CACNA1D: variants seen among roughly 807,000 people sequenced by gnomAD.
The protein encoded by CACNA1D is voltage-dependent L-type calcium channel subunit alpha-1D.
A neutral mutation model predicts 257.1 loss-of-function variants in CACNA1D; 55 were observed. The ratio of observed to expected loss-of-function variants is 0.21; its 90% CI spans 0.17 to 0.27. The LOEUF is 0.27. Among genes scored for constraint, CACNA1D ranks in the 10% least tolerant of loss-of-function variants. The pLI, the probability that CACNA1D is intolerant of heterozygous loss-of-function variation, is 1.00. For synonymous variants in CACNA1D, 980 were observed against 1,014.9 expected, an observed-to-expected ratio of 0.97 and a Z score of 0.65; for missense variants, 1,876 against 2,784.0, an observed-to-expected ratio of 0.67 and a Z score of 7.34.
At chr3:53,741,010 C>A (rs541322033) in intron 21 of CACNA1D, among the ~76,000 whole-genome samples, 1 of 152,318 alleles carries the variant, frequency 6.6e-6, no homozygotes, top group South Asian at 2.1e-4. Context: ...TACATTTACA[C>A]AAAAGGAGCG....
chr3:53,756,221 G>A (rs907516530), intron 29 of CACNA1D, among the ~76,000 whole-genome samples: 1 of 152,224 alleles, frequency 6.6e-6, no homozygotes, highest in African/African-American at 2.4e-5. Context: ...AGAAAGTTGA[G>A]AAATCTGACC....
chr3:53,706,651 A>G (rs80316503), intron 9 of CACNA1D, among the ~76,000 whole-genome samples: 2,068 of 152,234 alleles, frequency 0.014, 56 homozygotes, highest in African/African-American at 0.047. Context: ...AGGGGGTACA[A>G]ATACCGTTCT....
intron 32 of CACNA1D, 112 bp downstream of exon 32, chr3:53,770,664 C>A: frequency 1.0e-6 from 1 of 955,314 alleles, no homozygotes. Context: ...CTCTGTGGAC[C>A]TAAATCAATA....
At chr3:53,655,127 G>A (rs964228305) in intron 4 of CACNA1D, among the ~76,000 whole-genome samples, 3 of 152,250 alleles carry the variant, frequency 2.0e-5, no homozygotes, top group South Asian at 2.1e-4. Flanking sequence ...CTCCATCCAC[G>A]TGCCCACAAA....
intron 27 of CACNA1D, among the ~76,000 whole-genome samples, chr3:53,750,687 T>G (rs1207406370): frequency 1.3e-5 from 2 of 152,134 alleles, no homozygotes; most frequent in Non-Finnish European, 2.9e-5. Flanking sequence ...GAGCCAGCGC[T>G]GAAAGTGTGT....
At chr3:53,765,040 C>G (rs1310795031) in intron 30 of CACNA1D, among the ~76,000 whole-genome samples, 1 of 152,192 alleles carries the variant, frequency 6.6e-6, no homozygotes, top group Admixed American at 6.5e-5. Flanking sequence ...AGAGGGGATG[C>G]TCAAGGCCAC....
intron 3 of CACNA1D, among the ~76,000 whole-genome samples, chr3:53,573,679 T>C (rs1388036969): frequency 6.6e-6 from 1 of 152,204 alleles, no homozygotes; most frequent in Non-Finnish European, 1.5e-5. Flanking sequence ...AAGGAGTTTC[T>C]TCTGTTCTTT....
At chr3:53,555,460 GTTTTT>G (rs372133749) in intron 3 of CACNA1D, among the ~76,000 whole-genome samples, 16 of 78,364 alleles carry the variant, frequency 2.0e-4, no homozygotes, top group South Asian at 4.8e-4. Context: ...GTGTGTGTGT[GTTTTT>G]TTTTTTTTTT....
At chr3:53,630,152 T>C (rs2108110742) in intron 3 of CACNA1D, among the ~76,000 whole-genome samples, 1 of 152,366 alleles carries the variant, frequency 6.6e-6, no homozygotes, top group African/African-American at 2.4e-5. Context: ...TATTTGCCAA[T>C]CTGATGAAGT....
chr3:53,682,382 A>C lies in CACNA1D; in HGVS notation c.1220+9256A>C, dbSNP rs1025812405. Among the ~76,000 whole-genome samples the C allele has an allele frequency of 6.7e-4, 98 of 147,148 alleles. 3 individuals carry two copies. Among genetic ancestry groups the C allele is most frequent in the African/African-American group, 2.4e-3 (94 of 39,464 alleles). ...GTCTCTGGTAAAAAAAAAAAAAAAA[A>C]AAAAAAAAAAAAAACAGAAGTCTTT... On this transcript the variant is annotated intron_variant, in intron 8 of 47. Coordinates refer to ENST00000350061, the MANE Select transcript of CACNA1D (RefSeq NM_001128840.3).
At chr3:53,564,450 T>G (rs1229044936) in intron 3 of CACNA1D, among the ~76,000 whole-genome samples, 1 of 152,190 alleles carries the variant, frequency 6.6e-6, no homozygotes. Context: ...GGTTGTCTTT[T>G]GAATACTCAT....
At chr3:53,668,786 C>T (rs1028453256) in intron 7 of CACNA1D, among the ~76,000 whole-genome samples, 1 of 152,220 alleles carries the variant, frequency 6.6e-6, no homozygotes, top group African/African-American at 2.4e-5. Flanking sequence ...ATGGGCAATA[C>T]ATAAGCAAAT....
chr3:53,690,512 C>T (rs2108514322), intron 8 of CACNA1D, among the ~76,000 whole-genome samples: 1 of 152,274 alleles, frequency 6.6e-6, no homozygotes, highest in African/African-American at 2.4e-5. Flanking sequence ...TGGTGCTCTG[C>T]CCCTTGTTCT....
At chr3:53,593,728 A>T (rs1438149251) in intron 3 of CACNA1D, among the ~76,000 whole-genome samples, 2 of 152,198 alleles carry the variant, frequency 1.3e-5, no homozygotes, top group Non-Finnish European at 1.5e-5. Context: ...AGGCCACCCA[A>T]GGAGCTGGGA....
chr3:53,520,849 CCTTT>C (rs71074924), intron 3 of CACNA1D, among the ~76,000 whole-genome samples: 3,841 of 133,038 alleles, frequency 0.029, 80 homozygotes, highest in Middle Eastern at 0.058. Context: ...TTTGCAAACT[CCTTT>C]CTTTCTTTCT....
intron 27 of CACNA1D, among the ~76,000 whole-genome samples, chr3:53,749,896 G>A (rs914271699): frequency 2.6e-5 from 4 of 152,222 alleles, no homozygotes; most frequent in African/African-American, 7.2e-5. Context: ...ATTCTTGGTT[G>A]TGTTTCCTGG....
intron 3 of CACNA1D, among the ~76,000 whole-genome samples, chr3:53,601,231 A>G (rs1231410330): frequency 1.3e-5 from 2 of 152,212 alleles, no homozygotes; most frequent in Non-Finnish European, 2.9e-5. Flanking sequence ...GTTTCTCTGT[A>G]CATCCCATCA....
rs188588714 is a variant in CACNA1D, at chr3:53,566,761, C to T, written c.483+65041C>T. 3.4e-4 allele frequency among the ~76,000 whole-genome samples: 52 copies of T among 152,326 alleles called. 1 individual carries two copies. Among genetic ancestry groups the T allele is most frequent in the Admixed American group, 3.2e-3 (49 of 15,304 alleles). On this transcript the variant is annotated intron_variant, in intron 3 of 47. Coordinates refer to ENST00000350061, the MANE Select transcript of CACNA1D (RefSeq NM_001128840.3). ...CAGCCCTCCCCGAGAGCTCCTGCGG[C>T]AGCTTGCTTGCCTCTCTGTCGGAAA...
intron 8 of CACNA1D, among the ~76,000 whole-genome samples, chr3:53,691,813 T>C (rs796899819): frequency 2.2e-5 from 2 of 89,170 alleles, no homozygotes; most frequent in Non-Finnish European, 4.4e-5. Flanking sequence ...ATAATATATA[T>C]TATATATTAT....
Sources: allele counts gnomAD v4.1 joint callset (sites outside exome capture counted in the v4.1 genomes callset), GRCh38; gene constraint gnomAD v4.1.1; transcripts MANE v1.5; gene names NCBI Gene and HGNC (gene_info 2026-07-23, HGNC 2026-07-21).